Variants in HGSNAT observed in about 807,000 individuals in gnomAD.
HGSNAT encodes the protein transmembrane protein 76.
In HGSNAT, 59 loss-of-function variants were observed where a neutral mutation model predicts 85.2. The ratio of observed to expected loss-of-function variants is 0.69; its 90% CI spans 0.56 to 0.86. HGSNAT has a LOEUF of 0.86. Ranked by LOEUF, HGSNAT falls within the 40% of genes least tolerant of loss-of-function variation. The pLI is 0.00. For synonymous variants in HGSNAT, 321 were observed against 304.5 expected (o/e 1.05, Z -0.56); for missense variants, 756 against 777.1 (o/e 0.97, Z 0.32).
intron 5 of HGSNAT, among the ~76,000 whole-genome samples, chr8:43,167,481 A>G (rs1271751568): frequency 6.6e-6 from 1 of 152,212 alleles, no homozygotes; most frequent in East Asian, 1.9e-4. Context: ...GGCTCAAATA[A>G]TCATTAACTT....
chr8:43,145,721 A>C (rs1460130859), intron 1 of HGSNAT, among the ~76,000 whole-genome samples: 1 of 152,072 alleles, frequency 6.6e-6, no homozygotes, highest in East Asian at 1.9e-4. Context: ...ACTGCACTCC[A>C]GCCTGGGTGA....
intron 2 of HGSNAT, among the ~76,000 whole-genome samples, chr8:43,150,738 G>C (rs778983812): frequency 6.6e-6 from 1 of 152,102 alleles, no homozygotes; most frequent in African/African-American, 2.4e-5. Context: ...GGAGGCTGAG[G>C]CAGGAGAATG....
chr8:43,179,733 G>A (rs1234034642), intron 10 of HGSNAT, among the ~76,000 whole-genome samples: 12 of 18,698 alleles, frequency 6.4e-4, no homozygotes, highest in Admixed American at 1.5e-3. Context: ...CCTCCCTCCC[G>A]GGCGGGGCGG....
chr8:43,179,535 C>T (rs1344450208), intron 10 of HGSNAT, among the ~76,000 whole-genome samples: 1 of 95,990 alleles, frequency 1.0e-5, no homozygotes, highest in Admixed American at 1.1e-4. Flanking sequence ...GGCTGGCCGA[C>T]CCCCCCCACC....
In HGSNAT at chr8:43,193,816, C is replaced by T. The variant is rs1804621170; in HGVS notation, c.1437C>T (p.Ser479=). Residue 479 remains serine, a synonymous_variant, in exon 14 of 18, where the codon TCC becomes TCT. Transcript: ENST00000379644. ...AGGGCATCCTGGGCACCATCAACTC[C>T]ATCGTGATGGCCTTTTTAGGAGTTC... is the stretch of plus-strand genomic sequence containing the variant. ...DPEGILGTIN[S]IVMAFLGVQA... is the part of the protein sequence containing the mutation. 1 of 1,613,822 alleles carries T rather than the reference C, an allele frequency of 6.2e-7. No homozygotes were observed. The highest frequency in any genetic ancestry group is 8.5e-7 in the Non-Finnish European group (1 of 1,179,744).
Position 43,197,013 on chromosome 8 carries a change from G to A in HGSNAT, c.1530G>A (p.Trp510Ter). ...ACATCCTGATTCGATTCACTGCTTGGTGTTGTATTCTTGTAAGTAAGCAGC... is the reference window on the plus strand; with the variant it reads ...ACATCCTGATTCGATTCACTGCTTGATGTTGTATTCTTGTAAGTAAGCAGC... ...TKDILIRFTA[W>*]CCILGLISVA... Residue 510 changes from tryptophan (W) to a stop codon, truncating the protein, a stop_gained, in exon 15 of 18, where the codon TGG becomes TGA. Coordinates refer to ENST00000379644, the MANE Select transcript of HGSNAT (RefSeq NM_152419.3). LOFTEE classifies it high-confidence loss of function. 1 of 1,608,196 alleles carries A rather than the reference G, an allele frequency of 6.2e-7. No individual in the cohort carries two copies. The highest frequency in any genetic ancestry group is 8.5e-7 in the Non-Finnish European group (1 of 1,174,854).
chr8:43,146,171 T>C (rs762053153), intron 1 of HGSNAT, among the ~76,000 whole-genome samples: 1 of 152,098 alleles, frequency 6.6e-6, no homozygotes, highest in Non-Finnish European at 1.5e-5. Context: ...GATTCACTGC[T>C]CCCAATCCAG....
chr8:43,193,018 C>T (rs956129686), intron 13 of HGSNAT, among the ~76,000 whole-genome samples: 13 of 152,170 alleles, frequency 8.5e-5, no homozygotes, highest in African/African-American at 2.4e-4. Flanking sequence ...TTGGGGGCAC[C>T]GGGGTGGCGC....
At chr8:43,182,101 G>GA in intron 10 of HGSNAT, 44 bp from the exon 11 acceptor site, 1 of 1,412,352 alleles carries the variant, frequency 7.1e-7, no homozygotes, top group Non-Finnish European at 1.0e-6. Flanking sequence ...GGGATGAGAG[G>GA]AGAAGTCCTG....
intron 14 of HGSNAT, chr8:43,194,579 A>G (rs939730274): frequency 1.1e-6 from 1 of 948,254 alleles, no homozygotes; most frequent in African/African-American, 1.8e-5. Flanking sequence ...CTGCAGGTTC[A>G]TTTGTCTGGT....
chr8:43,197,595 T>C (rs913776656), intron 15 of HGSNAT, 77 bp from the exon 16 acceptor site: 3 of 992,106 alleles, frequency 3.0e-6, no homozygotes, highest in African/African-American at 3.2e-5. Context: ...AAATAACTAA[T>C]ATATATTGGT....
chr8:43,177,241 C>CTT (rs879720322), intron 9 of HGSNAT, among the ~76,000 whole-genome samples: 1 of 146,828 alleles, frequency 6.8e-6, no homozygotes. Context: ...AGTATTCTAA[C>CTT]TTTTTTTTTT....
intron 2 of HGSNAT, among the ~76,000 whole-genome samples, chr8:43,152,567 C>G (rs544029933): frequency 2.0e-5 from 3 of 152,116 alleles, no homozygotes; most frequent in Non-Finnish European, 4.4e-5. Flanking sequence ...CCTTCTGCTT[C>G]AGCCTCTCAA....
At chr8:43,154,218 A>C (rs1357428756) in intron 2 of HGSNAT, among the ~76,000 whole-genome samples, 2 of 151,886 alleles carry the variant, frequency 1.3e-5, no homozygotes, top group Non-Finnish European at 2.9e-5. Context: ...TTATACTTTC[A>C]GTTTTAGGGT....
At chr8:43,176,404 A>G (rs1803813934) in intron 9 of HGSNAT, among the ~76,000 whole-genome samples, 1 of 152,090 alleles carries the variant, frequency 6.6e-6, no homozygotes, top group Admixed American at 6.6e-5. Flanking sequence ...CCCACTATCT[A>G]TGTGTCTGTT....
chr8:43,156,095 C>T (rs1196269463), intron 2 of HGSNAT, among the ~76,000 whole-genome samples: 1 of 152,166 alleles, frequency 6.6e-6, no homozygotes, highest in Admixed American at 6.5e-5. Context: ...CAGCCTCGGC[C>T]TCCCAAAGTG....
chr8:43,194,039 A>G, intron 14 of HGSNAT, 196 bp downstream of exon 14: 2 of 1,290,552 alleles, frequency 1.5e-6, no homozygotes, highest in Non-Finnish European at 2.0e-6. Context: ...ATTAGATATA[A>G]TTCTTATATT....
intron 5 of HGSNAT, among the ~76,000 whole-genome samples, chr8:43,163,301 C>T (rs748668777): frequency 2.0e-5 from 3 of 152,120 alleles, no homozygotes; most frequent in African/African-American, 4.8e-5. Flanking sequence ...TTCCAGCCTG[C>T]GGGCAGAATG....
At chr8:43,140,814 G>A (rs1245640225) in intron 1 of HGSNAT, among the ~76,000 whole-genome samples, 200 bp downstream of exon 1, 2 of 152,074 alleles carry the variant, frequency 1.3e-5, no homozygotes, top group East Asian at 3.9e-4. Flanking sequence ...GCCGGGCCCC[G>A]CGGAGGCGGG....
Sources: allele counts gnomAD v4.1 joint callset (sites outside exome capture counted in the v4.1 genomes callset), GRCh38; gene constraint gnomAD v4.1.1; transcripts MANE v1.5; gene names NCBI Gene and HGNC (gene_info 2026-07-23, HGNC 2026-07-21).